The following NREP variants were observed in gnomAD, a reference collection of about 807,000 sequenced individuals.
The protein encoded by NREP is neuronal regeneration-related protein.
Under a neutral mutation model 8.6 loss-of-function variants are expected in NREP, and 5 were observed. That is an observed-to-expected ratio of 0.58 (90% CI 0.30 to 1.22). The LOEUF is 1.22. Among genes scored for constraint, NREP ranks in the 50% most tolerant of loss-of-function variants. The pLI, the probability that NREP is intolerant of heterozygous loss-of-function variation, is 0.07. For missense variants in NREP, 86 were observed against 82.5 expected (o/e 1.04, Z -0.17); for synonymous variants, 27 against 28.0 (o/e 0.96, Z 0.11).
At chr5:111,789,464 G>T (rs1006048237) in intron 2 of NREP, among the ~76,000 whole-genome samples, 3 of 152,086 alleles carry the variant, frequency 2.0e-5, no homozygotes, top group African/African-American at 7.2e-5. Context: ...TATTAGTGCC[G>T]CATGTACATT....
rs900914811 is a variant in NREP at position 111,903,209 on chromosome 5, A to C, written c.135+72065T>G. 4.7e-5 allele frequency among the ~76,000 whole-genome samples: 7 copies of C among 150,242 alleles called. No homozygotes were observed. In the Admixed American group the frequency reaches 4.7e-4, roughly 10 times the overall value. On this transcript the variant is annotated intron_variant, in intron 2 of 3. Transcript: ENST00000395634. ...AATGATTCTTGTGCCTCAGCCTCCC[A>C]AAGTAGTTGGGACTATAGTTGTATG... is the stretch of plus-strand genomic sequence containing the variant.
At chr5:111,780,223 G>C (rs771546779) in intron 2 of NREP, among the ~76,000 whole-genome samples, 1 of 152,182 alleles carries the variant, frequency 6.6e-6, no homozygotes, top group Non-Finnish European at 1.5e-5. Context: ...CTCAGATTTA[G>C]ATGGCATTTG....
intron 2 of NREP, among the ~76,000 whole-genome samples, chr5:111,888,807 C>G (rs1360967725): frequency 1.3e-5 from 2 of 152,192 alleles, no homozygotes; most frequent in Non-Finnish European, 2.9e-5. Context: ...ATTTCAAATG[C>G]TGGATTAAAC....
chr5:111,735,568 C>T (rs556915266), intron 2 of NREP, 61 bp from the exon 3 acceptor site: 72 of 1,222,478 alleles, frequency 5.9e-5, no homozygotes, highest in African/African-American at 1.0e-4. Flanking sequence ...TGAAACTACA[C>T]GGGATAACCT....
intron 2 of NREP, among the ~76,000 whole-genome samples, chr5:111,796,452 AC>A (rs1419913519): frequency 1.3e-5 from 2 of 152,158 alleles, no homozygotes; most frequent in Non-Finnish European, 2.9e-5. Flanking sequence ...TCATTATTCT[AC>A]CTATCACAAC....
At chr5:111,814,616 T>C (rs866660120) in intron 2 of NREP, among the ~76,000 whole-genome samples, 2 of 152,164 alleles carry the variant, frequency 1.3e-5, no homozygotes, top group African/African-American at 4.8e-5. Context: ...AACTATTATG[T>C]ACCAGGTACA....
At chr5:111,889,663 G>C (rs1366177211) in intron 2 of NREP, among the ~76,000 whole-genome samples, 2 of 152,196 alleles carry the variant, frequency 1.3e-5, no homozygotes, top group Admixed American at 6.5e-5. Flanking sequence ...CAAGTTATTT[G>C]CTTTCAAGAT....
At chr5:111,885,536 A>T (rs1754219329) in intron 2 of NREP, among the ~76,000 whole-genome samples, 1 of 152,232 alleles carries the variant, frequency 6.6e-6, no homozygotes, top group African/African-American at 2.4e-5. Context: ...CCAAAAGAAC[A>T]AAGCTGGAGG....
chr5:111,921,538 A>T (rs1156397834), intron 2 of NREP, among the ~76,000 whole-genome samples: 1 of 152,132 alleles, frequency 6.6e-6, no homozygotes, highest in Non-Finnish European at 1.5e-5. Context: ...TAGTCCCCTC[A>T]TATTTTGTAG....
chr5:111,924,369 T>C (rs936082249), intron 2 of NREP, among the ~76,000 whole-genome samples: 1 of 151,998 alleles, frequency 6.6e-6, no homozygotes, highest in Non-Finnish European at 1.5e-5. Context: ...GAAACCTTTG[T>C]GGCAACATCA....
At chr5:111,872,220 C>G (rs1753807718) in intron 2 of NREP, among the ~76,000 whole-genome samples, 1 of 152,044 alleles carries the variant, frequency 6.6e-6, no homozygotes, top group African/African-American at 2.4e-5. Context: ...GCCAGCATAT[C>G]AGGTATCCAG....
chr5:111,886,068 A>T (rs1376671895), intron 2 of NREP, among the ~76,000 whole-genome samples: 1 of 152,122 alleles, frequency 6.6e-6, no homozygotes, highest in Non-Finnish European at 1.5e-5. Context: ...TTCGCAACCT[A>T]CTCATCTGAC....
intron 2 of NREP, chr5:111,738,578 T>C (rs1004286879): frequency 1.3e-5 from 2 of 152,190 alleles, no homozygotes; most frequent in East Asian, 1.9e-4. Flanking sequence ...GTTCATGAAA[T>C]AGCTGCAAAG....
At chr5:111,799,285 T>G (rs1029639104) in intron 2 of NREP, among the ~76,000 whole-genome samples, 2 of 152,226 alleles carry the variant, frequency 1.3e-5, no homozygotes, top group Admixed American at 6.5e-5. Context: ...TTTAGGATTT[T>G]TTTTCTAGTT....
chr5:111,903,729 T>C (rs550231932), intron 2 of NREP, among the ~76,000 whole-genome samples: 1 of 152,220 alleles, frequency 6.6e-6, no homozygotes, highest in African/African-American at 2.4e-5. Context: ...AACATGCTTA[T>C]CTCTTATTAA....
At chr5:111,932,488 C>G (rs1435492462) in intron 2 of NREP, among the ~76,000 whole-genome samples, 1 of 152,058 alleles carries the variant, frequency 6.6e-6, no homozygotes, top group Non-Finnish European at 1.5e-5. Context: ...CAAGAATTAT[C>G]AATGTGCAGT....
rs1233453855 is a variant in NREP, at chr5:111,880,614, T to A, written c.135+94660A>T. ...GACCATCATAAAGACTTCAACTAAA[T>A]CCTTTAAGACCATCTCTAATCGTGG... On this transcript the variant is annotated intron_variant, in intron 2 of 3. Coordinates refer to the NREP transcript ENST00000395634. Among the ~76,000 whole-genome samples, 7 of 152,140 alleles carry A rather than the reference T, an allele frequency of 4.6e-5. No individual in the cohort carries two copies. The East Asian group carries it at 1.4e-3, about 29-fold the overall frequency.
At chr5:111,859,620 C>T (rs1052801153) in intron 2 of NREP, among the ~76,000 whole-genome samples, 13 of 152,044 alleles carry the variant, frequency 8.6e-5, no homozygotes, top group African/African-American at 2.9e-4. Context: ...CCTTGTACCC[C>T]GCTGGCTCAC....
chr5:111,968,626 G>A (rs752359677), intron 2 of NREP, among the ~76,000 whole-genome samples: 1 of 152,142 alleles, frequency 6.6e-6, no homozygotes, highest in Non-Finnish European at 1.5e-5. Context: ...CATCATTTCA[G>A]TTAGGAAAAT....
Sources: gnomAD v4.1 joint callset for allele counts (sites outside exome capture counted in the v4.1 genomes callset) on GRCh38, gnomAD v4.1.1 for gene constraint, MANE v1.5 for transcripts, NCBI Gene and HGNC (gene_info 2026-07-23, HGNC 2026-07-21) for gene names.